Variants in SMG6 observed in about 807,000 individuals in gnomAD.
SMG6 encodes telomerase-binding protein EST1A.
A neutral mutation model predicts 142.2 loss-of-function variants in SMG6; 66 were observed. The observed-to-expected ratio is 0.46, with a 90% CI of 0.38 to 0.57. The LOEUF is 0.57. Ranked by LOEUF, SMG6 falls within the 20% of genes least tolerant of loss-of-function variation. The probability of loss-of-function intolerance (pLI) is 0.00; values close to 1 mark genes in which losing one functional copy is unlikely to be tolerated. For synonymous variants in SMG6, 779 were observed against 702.4 expected (o/e 1.11, Z -1.72); for missense variants, 1,793 against 1,832.0 (o/e 0.98, Z 0.39).
At chr17:2,183,098 T>C (rs952153879) in intron 12 of SMG6, among the ~76,000 whole-genome samples, 10 of 152,138 alleles carry the variant, frequency 6.6e-5, no homozygotes, top group African/African-American at 2.4e-4. Flanking sequence ...TGGTGGTGCA[T>C]GCCTGTAGTC....
chr17:2,249,445 C>A (rs2074000107), intron 8 of SMG6, among the ~76,000 whole-genome samples: 1 of 152,138 alleles, frequency 6.6e-6, no homozygotes, highest in African/African-American at 2.4e-5. Flanking sequence ...TAGGCGCATA[C>A]CAATGTGCAG....
chr17:2,292,524 C>T (rs371751755), intron 6 of SMG6, 28 bp downstream of exon 6: 4 of 1,609,410 alleles, frequency 2.5e-6, no homozygotes, highest in South Asian at 1.1e-5. Context: ...CTGCAAAGCA[C>T]TTTTCCCCTG....
chr17:2,209,663 CTAA>C (rs2072790976), intron 10 of SMG6, among the ~76,000 whole-genome samples: 1 of 152,048 alleles, frequency 6.6e-6, no homozygotes, highest in Non-Finnish European at 1.5e-5. Context: ...TGCACCCAAT[CTAA>C]ATTTTTGTAT....
At chr17:2,269,708 C>G (rs576959195) in intron 8 of SMG6, among the ~76,000 whole-genome samples, 19 of 152,070 alleles carry the variant, frequency 1.2e-4, no homozygotes, top group African/African-American at 4.1e-4. Context: ...AAGAAAATCA[C>G]GAGAGATTTG....
At chr17:2,093,331 G>A (rs1201704001) in intron 13 of SMG6, among the ~76,000 whole-genome samples, 1 of 152,136 alleles carries the variant, frequency 6.6e-6, no homozygotes, top group Admixed American at 6.5e-5. Flanking sequence ...GCTGAGGTAG[G>A]AGGATTGCTT....
At chr17:2,274,895 G>A (rs889835796) in intron 8 of SMG6, among the ~76,000 whole-genome samples, 1 of 151,980 alleles carries the variant, frequency 6.6e-6, no homozygotes, top group Admixed American at 6.6e-5. Flanking sequence ...GCTGAGGTGG[G>A]AGGACTGCTT....
chr17:2,302,986 G>A (rs2075317799), intron 1 of SMG6: 2 of 985,356 alleles, frequency 2.0e-6, no homozygotes, highest in Admixed American at 6.1e-5. Context: ...TAACGCAGGA[G>A]AGGTGAGACA....
chr17:2,260,036 G>T (rs534442098), intron 8 of SMG6, among the ~76,000 whole-genome samples: 12 of 152,310 alleles, frequency 7.9e-5, no homozygotes, highest in African/African-American at 2.9e-4. Flanking sequence ...CAACTCCCAG[G>T]AAAAGTGTTT....
At chr17:2,221,731 G>C (rs2073174489) in intron 10 of SMG6, among the ~76,000 whole-genome samples, 2 of 152,158 alleles carry the variant, frequency 1.3e-5, no homozygotes, top group South Asian at 4.1e-4. Flanking sequence ...CATTGTCCAG[G>C]CTGACCTGCT....
intron 13 of SMG6, among the ~76,000 whole-genome samples, chr17:2,154,535 A>G (rs1026346954): frequency 1.3e-5 from 2 of 152,134 alleles, no homozygotes; most frequent in African/African-American, 4.8e-5. Flanking sequence ...AAAGGTATGA[A>G]ATCTCAGCCT....
At chr17:2,091,817 C>A (rs2068726937) in intron 13 of SMG6, among the ~76,000 whole-genome samples, 1 of 149,788 alleles carries the variant, frequency 6.7e-6, no homozygotes, top group Admixed American at 6.7e-5. Flanking sequence ...ACTACAGGCA[C>A]CCGCCACCAC....
chr17:2,180,906 A>T (rs568558752), intron 12 of SMG6, among the ~76,000 whole-genome samples: 1 of 152,326 alleles, frequency 6.6e-6, no homozygotes, highest in Non-Finnish European at 1.5e-5. Context: ...GAAGAAACTC[A>T]GGCAAAGACC....
At chr17:2,150,363 GACC>G (rs2070789110) in intron 13 of SMG6, among the ~76,000 whole-genome samples, 1 of 152,196 alleles carries the variant, frequency 6.6e-6, no homozygotes. Context: ...AAAGGTTGGG[GACC>G]ACCGGTCTAG....
At chr17:2,122,283 T>C (rs1461955947) in intron 13 of SMG6, 1 of 152,142 alleles carries the variant, frequency 6.6e-6, no homozygotes, top group Non-Finnish European at 1.5e-5. Flanking sequence ...ATGTTCAACT[T>C]TGCTGTATAA....
intron 13 of SMG6, among the ~76,000 whole-genome samples, chr17:2,125,633 C>T (rs984603196): frequency 2.0e-5 from 3 of 152,220 alleles, no homozygotes; most frequent in African/African-American, 7.2e-5. Context: ...GCATTTTCCA[C>T]AGATCCATAA....
At chr17:2,213,276 A>C (rs2072917083) in intron 10 of SMG6, among the ~76,000 whole-genome samples, 1 of 152,238 alleles carries the variant, frequency 6.6e-6, no homozygotes, top group Admixed American at 6.5e-5. Context: ...CAAATCAATT[A>C]AGTTAACTAC....
At chr17:2,166,958 T>A (rs1341249308) in intron 13 of SMG6, among the ~76,000 whole-genome samples, 1 of 151,772 alleles carries the variant, frequency 6.6e-6, no homozygotes, top group Non-Finnish European at 1.5e-5. Context: ...AAACCCCGTC[T>A]CTACTAAAAA....
chr17:2,265,704 T>C (rs1451514659), intron 8 of SMG6, among the ~76,000 whole-genome samples: 1 of 152,228 alleles, frequency 6.6e-6, no homozygotes, highest in Non-Finnish European at 1.5e-5. Context: ...GTTGCTCTTT[T>C]TAAACAACTC....
intron 10 of SMG6, among the ~76,000 whole-genome samples, chr17:2,224,342 T>A (rs1036815377): frequency 1.6e-4 from 24 of 152,240 alleles, no homozygotes; most frequent in African/African-American, 5.8e-4. Flanking sequence ...GTTGAATATA[T>A]TTTAGAGAAA....
Sources: gnomAD v4.1 joint callset for allele counts (sites outside exome capture counted in the v4.1 genomes callset) on GRCh38, gnomAD v4.1.1 for gene constraint, MANE v1.5 for transcripts, NCBI Gene and HGNC (gene_info 2026-07-23, HGNC 2026-07-21) for gene names.